TNFRSF11A: variants seen among roughly 807,000 people sequenced by gnomAD.
TNFRSF11A encodes TNF receptor superfamily member 11a, also known as tumor necrosis factor receptor superfamily member 11A.
In TNFRSF11A, 32 loss-of-function variants were observed where a neutral mutation model predicts 55.7. The ratio of observed to expected loss-of-function variants is 0.57; its 90% CI spans 0.43 to 0.77. The LOEUF is 0.77. Among genes scored for constraint, TNFRSF11A ranks in the 30% least tolerant of loss-of-function variants. The pLI is 0.00. For missense variants in TNFRSF11A, 753 were observed against 809.8 expected (o/e 0.93, Z 0.85); for synonymous variants, 311 against 331.0 (o/e 0.94, Z 0.65).
chr18:62,377,157 C>T (rs1357988217), intron 9 of TNFRSF11A, among the ~76,000 whole-genome samples: 1 of 152,190 alleles, frequency 6.6e-6, no homozygotes, highest in African/African-American at 2.4e-5. Context: ...CCTTGAGAGT[C>T]GCCCGCCTCG....
In TNFRSF11A at chr18:62,390,266, G is replaced by T. The variant is rs2145417524; in HGVS notation, c.*5232G>T. 1 of 152,326 alleles carries T rather than the reference G, an allele frequency of 6.6e-6. No individual in the cohort carries two copies. Among genetic ancestry groups the T allele is most frequent in the South Asian group, 2.1e-4 (1 of 4,822 alleles). 9.4% of individuals were successfully genotyped at this position (152,326 alleles called of 1,614,324 possible). On this transcript the variant is annotated 3_prime_UTR_variant, in exon 10 of 10. Coordinates refer to ENST00000586569, the MANE Select transcript of TNFRSF11A (RefSeq NM_003839.4). ...CAGGACTGTTATGGTTGACCCAAAA[G>T]TTGTCATCTTCTGACATGACACACT...
chr18:62,341,451 T>C (rs1318865023), intron 1 of TNFRSF11A, among the ~76,000 whole-genome samples: 2 of 152,248 alleles, frequency 1.3e-5, no homozygotes, highest in Non-Finnish European at 2.9e-5. Flanking sequence ...AACTTGTCTC[T>C]GGGTACCCAG....
chr18:62,341,968 T>C (rs974407173), intron 1 of TNFRSF11A, among the ~76,000 whole-genome samples: 1 of 146,578 alleles, frequency 6.8e-6, no homozygotes, highest in Non-Finnish European at 1.5e-5. Flanking sequence ...GGTAGAAAAA[T>C]CCTCCTTCCC....
At chr18:62,384,653 G>T in intron 9 of TNFRSF11A, 98 bp from the exon 10 acceptor site, 2 of 1,456,046 alleles carry the variant, frequency 1.4e-6, no homozygotes, top group East Asian at 2.5e-5. Flanking sequence ...GTGGGAATCC[G>T]GGGAGCCGCC....
Position 62,326,410 on chromosome 18 carries a change from C to A in TNFRSF11A, c.75+983C>A, listed in dbSNP as rs115751757. Among the ~76,000 whole-genome samples the A allele has an allele frequency of 5.7e-3, 867 of 152,314 alleles. 11 individuals are homozygous for A. Among genetic ancestry groups the A allele is most frequent in the African/African-American group, 0.02 (832 of 41,552 alleles). The stretch of plus-strand genomic sequence containing the variant: ...GAAGCAAAAGATTCTAGGGAAGATT[C>A]ATTCCCAATTGTATGGGTCTGTCAG... On this transcript the variant is annotated intron_variant, in intron 1 of 9. Transcript: ENST00000586569.
chr18:62,338,691 C>G (rs894208346), intron 1 of TNFRSF11A, among the ~76,000 whole-genome samples: 10 of 152,070 alleles, frequency 6.6e-5, no homozygotes, highest in African/African-American at 2.2e-4. Context: ...TACTAGTTAA[C>G]GGTTACAGAG....
chr18:62,336,581 A>G (rs1309568620), intron 1 of TNFRSF11A: 1 of 152,230 alleles, frequency 6.6e-6, no homozygotes, highest in Non-Finnish European at 1.5e-5. Context: ...AATGAATACA[A>G]AGTTAAAGAA....
intron 2 of TNFRSF11A, among the ~76,000 whole-genome samples, chr18:62,349,192 T>C (rs979019787): frequency 3.3e-5 from 5 of 151,754 alleles, no homozygotes; most frequent in Admixed American, 3.3e-4. Context: ...TTTTTTTCTT[T>C]TTGAGATGGG....
rs374933854 is a variant in TNFRSF11A at position 62,387,132 on chromosome 18, A to C, written c.*2098A>C. On this transcript the variant is annotated 3_prime_UTR_variant, in exon 10 of 10. Coordinates refer to ENST00000586569, the MANE Select transcript of TNFRSF11A (RefSeq NM_003839.4). The stretch of plus-strand genomic sequence containing the variant: ...CCCAGAGATATTAGAAGTATGCTAC[A>C]GTGAATGTTAAAGTACCTTGAGATC... 24 of 152,344 alleles carry C rather than the reference A, an allele frequency of 1.6e-4. No individual in the cohort carries two copies. In the East Asian group the frequency reaches 2.7e-3, roughly 17 times the overall value. The allele number at this position is 152,344 out of a possible 1,614,324, so 9.4% of individuals were successfully genotyped here.
chr18:62,362,490 C>CAAAAAAAAAAAAAAAAAAAAA (rs57219485), intron 7 of TNFRSF11A, among the ~76,000 whole-genome samples: 1 of 75,872 alleles, frequency 1.3e-5, no homozygotes, highest in African/African-American at 5.4e-5. Context: ...AACTTCATCT[C>CAAAAAAAAAAAAAAAAAAAAA]AAAAAAAAAA....
intron 8 of TNFRSF11A, among the ~76,000 whole-genome samples, chr18:62,367,900 T>G (rs1178615310): frequency 6.7e-6 from 1 of 150,164 alleles, no homozygotes; most frequent in African/African-American, 2.5e-5. Context: ...TTCAAGCGAT[T>G]CTTCTGCCTC....
chr18:62,366,903 C>T, intron 8 of TNFRSF11A, 143 bp downstream of exon 8: 2 of 862,514 alleles, frequency 2.3e-6, no homozygotes, highest in Non-Finnish European at 3.9e-6. Flanking sequence ...GGCTGGAGTG[C>T]AGGGGTGCAA....
At chr18:62,380,169 G>A (rs1250688438) in intron 9 of TNFRSF11A, among the ~76,000 whole-genome samples, 1 of 152,192 alleles carries the variant, frequency 6.6e-6, no homozygotes, top group Non-Finnish European at 1.5e-5. Context: ...TTGTGCGGCT[G>A]CACAGGCCCA....
chr18:62,388,238 G>A lies in TNFRSF11A; in HGVS notation c.*3204G>A, dbSNP rs1328415225. The A allele has an allele frequency of 1.3e-5, 2 of 152,266 alleles. No individual in the cohort carries two copies. Among genetic ancestry groups the A allele is most frequent in the Non-Finnish European group, 2.9e-5 (2 of 68,062 alleles). The allele number at this position is 152,266 out of a possible 1,614,324, so 9.4% of individuals were successfully genotyped here. A position where few individuals can be genotyped will look rare whatever the true frequency, so the allele number is the denominator to read the frequency against. On this transcript the variant is annotated 3_prime_UTR_variant, in exon 10 of 10. Transcript: ENST00000586569. ...GCTAGTTGGCCGGGCCAGGCTGTGT[G>A]CTCTCCACCTGTCTCCCATCCTTCC...
chr18:62,336,708 C>T (rs1400305013), intron 1 of TNFRSF11A: 1 of 152,260 alleles, frequency 6.6e-6, no homozygotes, highest in African/African-American at 2.4e-5. Context: ...AAGTCAAAGC[C>T]ATCCTAATTA....
At chr18:62,332,678 C>T (rs940776162) in intron 1 of TNFRSF11A, among the ~76,000 whole-genome samples, 2 of 152,188 alleles carry the variant, frequency 1.3e-5, no homozygotes, top group African/African-American at 2.4e-5. Flanking sequence ...CACAACTTCC[C>T]CTTCCCCAGG....
In TNFRSF11A at chr18:62,330,628, AG is replaced by A. The variant is rs66813792; in HGVS notation, c.75+5206del. On this transcript the variant is annotated intron_variant, in intron 1 of 9. Transcript: ENST00000586569. ...GGAAGAGTGTCCAGGGGCGGGCCGG[AG>A]GGGGCCAGTAAGGAGCCTACTGCCT... 3.4e-3 allele frequency among the ~76,000 whole-genome samples: 518 copies of A among 151,360 alleles called. 1 individual carries two copies. The highest frequency in any genetic ancestry group is 0.012 in the African/African-American group (506 of 41,216).
At chr18:62,357,670 A>C (rs1339209487) in intron 4 of TNFRSF11A, among the ~76,000 whole-genome samples, 1 of 152,124 alleles carries the variant, frequency 6.6e-6, no homozygotes, top group Non-Finnish European at 1.5e-5. Flanking sequence ...AGGGAAAGAG[A>C]CCTGTAGGGT....
chr18:62,362,885 C>T (rs1909796934), intron 7 of TNFRSF11A, among the ~76,000 whole-genome samples: 1 of 152,054 alleles, frequency 6.6e-6, no homozygotes, highest in Admixed American at 6.5e-5. Flanking sequence ...GCTATGTTGC[C>T]TAGGCTGGAG....
Sources: gnomAD v4.1 joint callset for allele counts (sites outside exome capture counted in the v4.1 genomes callset) on GRCh38, gnomAD v4.1.1 for gene constraint, MANE v1.5 for transcripts, NCBI Gene and HGNC (gene_info 2026-07-23, HGNC 2026-07-21) for gene names.